The following SPAG16 variants were observed in gnomAD, a reference collection of about 807,000 sequenced individuals.
SPAG16 encodes sperm-associated antigen 16 protein.
Under a neutral mutation model 80.4 loss-of-function variants are expected in SPAG16, and 86 were observed. The ratio of observed to expected loss-of-function variants is 1.07; its 90% CI spans 0.90 to 1.28. SPAG16 has a LOEUF of 1.28. Ranked by LOEUF, SPAG16 falls within the 50% of genes most tolerant of loss-of-function variation. SPAG16 has a pLI of 0.00. For synonymous variants in SPAG16, 294 were observed against 265.9 expected, an observed-to-expected ratio of 1.11 and a Z score of -1.03; for missense variants, 870 against 765.3, an observed-to-expected ratio of 1.14 and a Z score of -1.61.
At chr2:213,746,411 C>G (rs1442601037) in intron 10 of SPAG16, among the ~76,000 whole-genome samples, 1 of 152,170 alleles carries the variant, frequency 6.6e-6, no homozygotes, top group East Asian at 1.9e-4. Flanking sequence ...TTCCTATCAC[C>G]TAGTGACACT....
intron 10 of SPAG16, among the ~76,000 whole-genome samples, chr2:213,799,812 C>T (rs2071267551): frequency 6.6e-6 from 1 of 151,608 alleles, no homozygotes; most frequent in South Asian, 2.1e-4. Flanking sequence ...TATATGGGTT[C>T]CGGGGTCAGA....
intron 10 of SPAG16, among the ~76,000 whole-genome samples, chr2:213,630,489 A>T (rs917462768): frequency 6.6e-6 from 1 of 152,200 alleles, no homozygotes; most frequent in Admixed American, 6.5e-5. Context: ...GTAAGTTTGT[A>T]AGTTATATTT....
At chr2:213,845,418 G>A (rs928818004) in intron 10 of SPAG16, among the ~76,000 whole-genome samples, 4 of 151,822 alleles carry the variant, frequency 2.6e-5, no homozygotes, top group East Asian at 1.9e-4. Flanking sequence ...GGATCGTCTC[G>A]GTATCTTGAC....
At chr2:214,102,106 G>A (rs1390026568) in intron 13 of SPAG16, among the ~76,000 whole-genome samples, 1 of 125,602 alleles carries the variant, frequency 8.0e-6, no homozygotes, top group African/African-American at 3.1e-5. Context: ...TCTGGTGAGG[G>A]TGGTTTTTTG....
At chr2:213,742,455 C>T (rs1253521975) in intron 10 of SPAG16, among the ~76,000 whole-genome samples, 1 of 151,832 alleles carries the variant, frequency 6.6e-6, no homozygotes, top group Non-Finnish European at 1.5e-5. Context: ...AATTTACTCA[C>T]GTATTTACCA....
intron 11 of SPAG16, among the ~76,000 whole-genome samples, chr2:213,895,420 A>C (rs10932510): frequency 0.59 from 89,938 of 151,596 alleles, 28,538 homozygotes; most frequent in South Asian, 0.85. Context: ...AAAAGCAATC[A>C]TAAAATTCCT....
rs544633650 is a variant in SPAG16 at position 213,580,790 on chromosome 2, C to T, written c.1070+90700C>T. On this transcript the variant is annotated intron_variant, in intron 10 of 15. Coordinates refer to ENST00000331683, the MANE Select transcript of SPAG16 (RefSeq NM_024532.5). Reference sequence around the variant, plus strand: ...GTGAAAATCTTATTCATATTCCTTACAATTTTTTATTTATCATTTTAATAC... The same window carrying T: ...GTGAAAATCTTATTCATATTCCTTATAATTTTTTATTTATCATTTTAATAC... Among the ~76,000 whole-genome samples the T allele has an allele frequency of 2.3e-4, 35 of 152,192 alleles. No individual in the cohort carries two copies. The South Asian group carries it at 5.6e-3, about 24-fold the overall frequency.
At chr2:214,382,204 C>T (rs1321501444) in intron 15 of SPAG16, among the ~76,000 whole-genome samples, 1 of 152,180 alleles carries the variant, frequency 6.6e-6, no homozygotes, top group Non-Finnish European at 1.5e-5. Context: ...CAAATCCTCA[C>T]AGAAATCTGA....
intron 4 of SPAG16, among the ~76,000 whole-genome samples, chr2:213,311,983 A>C (rs566743986): frequency 6.6e-6 from 1 of 151,516 alleles, no homozygotes; most frequent in South Asian, 2.1e-4. Context: ...AATGCAATAG[A>C]TCCTTTAAAT....
At chr2:213,363,173 G>A (rs1283404349) in intron 7 of SPAG16, among the ~76,000 whole-genome samples, 1 of 152,100 alleles carries the variant, frequency 6.6e-6, no homozygotes, top group Non-Finnish European at 1.5e-5. Flanking sequence ...TACAATGTAT[G>A]ATGTTAATGG....
chr2:213,740,113 A>G (rs1219631745), intron 10 of SPAG16, among the ~76,000 whole-genome samples: 1 of 152,152 alleles, frequency 6.6e-6, no homozygotes, highest in Non-Finnish European at 1.5e-5. Flanking sequence ...ATATTACATT[A>G]CACATTACAT....
intron 12 of SPAG16, among the ~76,000 whole-genome samples, chr2:213,944,434 A>G (rs1349317336): frequency 1.3e-5 from 2 of 152,224 alleles, no homozygotes; most frequent in Non-Finnish European, 2.9e-5. Context: ...GAATGGAAAT[A>G]TTTATCCTAT....
intron 3 of SPAG16, among the ~76,000 whole-genome samples, chr2:213,300,826 T>C (rs1251223880): frequency 6.6e-6 from 1 of 152,168 alleles, no homozygotes; most frequent in Non-Finnish European, 1.5e-5. Context: ...CAATAATTTT[T>C]AATAGTATAA....
intron 12 of SPAG16, among the ~76,000 whole-genome samples, chr2:213,975,961 A>C (rs1002570887): frequency 2.6e-5 from 4 of 151,636 alleles, no homozygotes; most frequent in African/African-American, 4.8e-5. Context: ...CAAAAGCTTG[A>C]CTGGAGATTG....
chr2:214,392,389 C>G (rs1434722902), intron 15 of SPAG16, among the ~76,000 whole-genome samples: 1 of 151,970 alleles, frequency 6.6e-6, no homozygotes, highest in African/African-American at 2.4e-5. Context: ...CTCCTGACCT[C>G]AAGTGATCCA....
intron 13 of SPAG16, among the ~76,000 whole-genome samples, chr2:214,097,135 T>C (rs1666606997): frequency 6.6e-6 from 1 of 152,050 alleles, no homozygotes; most frequent in Non-Finnish European, 1.5e-5. Flanking sequence ...ACTAAGGTAG[T>C]AGCCATAATA....
intron 13 of SPAG16, among the ~76,000 whole-genome samples, chr2:214,064,875 T>G (rs1443619186): frequency 6.6e-6 from 1 of 152,050 alleles, no homozygotes; most frequent in Non-Finnish European, 1.5e-5. Flanking sequence ...AAAAAGAGGG[T>G]CTATTTAATG....
intron 15 of SPAG16, among the ~76,000 whole-genome samples, chr2:214,331,674 C>G (rs1246281145): frequency 6.6e-6 from 1 of 152,208 alleles, no homozygotes; most frequent in African/African-American, 2.4e-5. Flanking sequence ...AAAATATTCT[C>G]TCTAATCTGG....
intron 10 of SPAG16, among the ~76,000 whole-genome samples, chr2:213,745,137 A>C (rs2067756818): frequency 6.6e-6 from 1 of 152,222 alleles, no homozygotes. Context: ...CCAGTTATAC[A>C]ATGCAATTAA....
Sources: allele counts gnomAD v4.1 joint callset (sites outside exome capture counted in the v4.1 genomes callset), GRCh38; gene constraint gnomAD v4.1.1; transcripts MANE v1.5; gene names NCBI Gene and HGNC (gene_info 2026-07-23, HGNC 2026-07-21).